The following RIMKLB variants were observed in gnomAD, a reference collection of about 807,000 sequenced individuals.
The protein encoded by RIMKLB is ribosomal modification protein rimK like family member B.
A neutral mutation model predicts 32.0 loss-of-function variants in RIMKLB; 7 were observed. The observed-to-expected ratio is 0.22, with a 90% CI of 0.12 to 0.41. RIMKLB has a LOEUF of 0.41. Ranked by LOEUF, RIMKLB falls within the 10% of genes least tolerant of loss-of-function variation. The pLI, the probability that RIMKLB is intolerant of heterozygous loss-of-function variation, is 1.00. For synonymous variants in RIMKLB, 172 were observed against 185.1 expected (o/e 0.93, Z 0.57); for missense variants, 289 against 498.7 (o/e 0.58, Z 4.00).
chr12:8,768,964 T>C (rs957748171), intron 5 of RIMKLB, among the ~76,000 whole-genome samples: 1 of 152,236 alleles, frequency 6.6e-6, no homozygotes. Flanking sequence ...CATTTTACTT[T>C]TTGTTTTCAT....
At chr12:8,685,830 CAG>C (rs1327901690) in intron 1 of RIMKLB, among the ~76,000 whole-genome samples, 1 of 150,514 alleles carries the variant, frequency 6.6e-6, no homozygotes, top group African/African-American at 2.4e-5. Context: ...TTTTTTGAGA[CAG>C]AGTCTCGCTC....
In RIMKLB at chr12:8,777,079, T is replaced by TA; in HGVS notation, c.*3297dup. 1 of 985,952 alleles carries TA rather than the reference T, an allele frequency of 1.0e-6. No homozygotes were observed. Among genetic ancestry groups the TA allele is most frequent in the Non-Finnish European group, 1.2e-6 (1 of 830,032 alleles). The allele number at this position is 985,952 out of a possible 1,614,324, so 61.1% of individuals were successfully genotyped here. On this transcript the variant is annotated 3_prime_UTR_variant, in exon 6 of 6. Coordinates refer to ENST00000535829, the MANE Select transcript of RIMKLB (RefSeq NM_001297776.2). ...AAGAAAATGTAGGTGCTCAGACAGGTAACCACTGCTGCTACTGTTTTTATT... is the reference window on the plus strand; with the variant it reads ...AAGAAAATGTAGGTGCTCAGACAGGTAAACCACTGCTGCTACTGTTTTTATT...
upstream of RIMKLB, chr12:8,679,223 C>G (rs1171659406): frequency 6.6e-6 from 1 of 152,216 alleles, no homozygotes; most frequent in Non-Finnish European, 1.5e-5. Flanking sequence ...CTTTGTCATC[C>G]AGGCTGGAGT....
At chr12:8,688,838 C>CTT (rs912116531) in intron 1 of RIMKLB, among the ~76,000 whole-genome samples, 1 of 146,200 alleles carries the variant, frequency 6.8e-6, no homozygotes. Flanking sequence ...TTCTTTCTTT[C>CTT]TTTTTTTTTT....
At chr12:8,681,360 A>C (rs954821295), upstream of RIMKLB, among the ~76,000 whole-genome samples, 1 of 152,214 alleles carries the variant, frequency 6.6e-6, no homozygotes, top group Admixed American at 6.5e-5. Context: ...GTGGTATAAT[A>C]AGAAATACAT....
At chr12:8,777,647 A>T (rs1383150261), downstream of RIMKLB, 1 of 1,289,110 alleles carries the variant, frequency 7.8e-7, no homozygotes, top group Non-Finnish European at 1.0e-6. Flanking sequence ...CAGAGAAAAA[A>T]CTTTCCTTCT....
chr12:8,771,215 A>G (rs1950369889), intron 5 of RIMKLB, among the ~76,000 whole-genome samples: 1 of 152,172 alleles, frequency 6.6e-6, no homozygotes, highest in African/African-American at 2.4e-5. Flanking sequence ...AGGGAAACCC[A>G]GCAAGGCCTG....
At chr12:8,670,635 C>T in the RIMKLB span, among the ~76,000 whole-genome samples, 1 of 152,230 alleles carries the variant, frequency 6.6e-6, no homozygotes, top group Non-Finnish European at 1.5e-5. Flanking sequence ...TGCAGCTTTT[C>T]CAGGCACAAG....
chr12:8,747,759 A>AT (rs756632593), intron 2 of RIMKLB, among the ~76,000 whole-genome samples: 5,960 of 144,750 alleles, frequency 0.041, 342 homozygotes, highest in African/African-American at 0.13. Context: ...CTCTGGTACA[A>AT]TTTTTTTTTT....
At chr12:8,712,648 G>A (rs942292115) in intron 1 of RIMKLB, among the ~76,000 whole-genome samples, 1 of 152,116 alleles carries the variant, frequency 6.6e-6, no homozygotes, top group Non-Finnish European at 1.5e-5. Flanking sequence ...GGCAGACATG[G>A]CATTTCAAGG....
downstream of RIMKLB, among the ~76,000 whole-genome samples, chr12:8,781,308 C>T (rs886487758): frequency 6.6e-6 from 1 of 152,218 alleles, no homozygotes. Context: ...AGTCACTGCA[C>T]TCCAGCCTGG....
At position 8,774,634 on chromosome 12, in the gene RIMKLB, A is replaced by G; in HGVS notation, c.*850A>G. 1.0e-6 allele frequency: 1 copy of G among 985,208 alleles called. No individual in the cohort carries two copies. Among genetic ancestry groups the G allele is most frequent in the Non-Finnish European group, 1.2e-6 (1 of 829,748 alleles). 61.0% of individuals were successfully genotyped at this position (985,208 alleles called of 1,614,324 possible). On this transcript the variant is annotated 3_prime_UTR_variant, in exon 6 of 6. Coordinates refer to ENST00000535829, the MANE Select transcript of RIMKLB (RefSeq NM_001297776.2). Reference sequence around the variant, plus strand: ...TTCCTGCTCTATGCCTGCATCTTTAACAATGGCCAAAGTGAAGAAAATGCT... The same window carrying G: ...TTCCTGCTCTATGCCTGCATCTTTAGCAATGGCCAAAGTGAAGAAAATGCT...
intron 1 of RIMKLB, 56 bp from the exon 2 acceptor site, chr12:8,713,755 A>G: frequency 9.4e-7 from 1 of 1,058,904 alleles, no homozygotes; most frequent in Non-Finnish European, 1.4e-6. Flanking sequence ...TATGAAATCC[A>G]GAAATCAAGT....
upstream of RIMKLB, among the ~76,000 whole-genome samples, chr12:8,696,406 A>C (rs1410125231): frequency 6.6e-6 from 1 of 152,152 alleles, no homozygotes; most frequent in Non-Finnish European, 1.5e-5. Flanking sequence ...TGTTCCTCTA[A>C]ATTTTGTAAA....
At chr12:8,677,050 A>G (rs1463637185), upstream of RIMKLB, among the ~76,000 whole-genome samples, 1 of 152,136 alleles carries the variant, frequency 6.6e-6, no homozygotes, top group Non-Finnish European at 1.5e-5. Flanking sequence ...TTTTAATTCA[A>G]GTCTCATTCT....
chr12:8,761,292 G>GA (rs1309429761), intron 5 of RIMKLB, among the ~76,000 whole-genome samples: 1 of 137,062 alleles, frequency 7.3e-6, no homozygotes, highest in Admixed American at 7.2e-5. Flanking sequence ...AAAAAAAAAA[G>GA]AATTTGTTTT....
upstream of RIMKLB, among the ~76,000 whole-genome samples, chr12:8,680,124 A>C (rs1308695044): frequency 2.6e-5 from 4 of 151,532 alleles, no homozygotes; most frequent in Admixed American, 2.6e-4. Flanking sequence ...AAGTTACCCT[A>C]TATGTCAAAA....
chr12:8,722,979 C>G (rs1477641493), intron 2 of RIMKLB, among the ~76,000 whole-genome samples: 1 of 152,228 alleles, frequency 6.6e-6, no homozygotes, highest in African/African-American at 2.4e-5. Flanking sequence ...ATCCAGACCA[C>G]TAAAACTTTC....
chr12:8,690,530 T>A (rs754914083), intron 1 of RIMKLB, among the ~76,000 whole-genome samples: 1 of 152,352 alleles, frequency 6.6e-6, no homozygotes, highest in East Asian at 1.9e-4. Flanking sequence ...GCATGTACTT[T>A]GCTACTCGGA....
Sources: allele counts gnomAD v4.1 joint callset (sites outside exome capture counted in the v4.1 genomes callset), GRCh38; gene constraint gnomAD v4.1.1; transcripts MANE v1.5; gene names NCBI Gene and HGNC (gene_info 2026-07-23, HGNC 2026-07-21).